TMEM132B: variants seen among roughly 807,000 people sequenced by gnomAD.
TMEM132B encodes transmembrane protein 132B.
A neutral mutation model predicts 90.8 loss-of-function variants in TMEM132B; 18 were observed. The observed-to-expected ratio is 0.20, with a 90% CI of 0.14 to 0.29. The LOEUF is 0.29. TMEM132B is among the 10% of genes least tolerant of loss of function. The pLI, the probability that TMEM132B is intolerant of heterozygous loss-of-function variation, is 1.00. For missense variants in TMEM132B, 1,096 were observed against 1,326.8 expected (o/e 0.83, Z 2.70); for synonymous variants, 504 against 523.3 (o/e 0.96, Z 0.50).
chr12:125,522,040 C>T (rs995196770), intron 4 of TMEM132B, among the ~76,000 whole-genome samples: 10 of 152,148 alleles, frequency 6.6e-5, no homozygotes, highest in East Asian at 1.9e-4. Flanking sequence ...ATATTCAGAA[C>T]GTGGCCATGC....
In TMEM132B at chr12:125,425,161, G is replaced by A. The variant is rs144834198; in HGVS notation, c.1106+9484G>A. ...AGAAGGTTGCAGTGCCCCGTTGCTG[G>A]CCTGTCCAGAGCAGGTAGTGCAAGT... is the stretch of plus-strand genomic sequence containing the variant. On this transcript the variant is annotated intron_variant, in intron 3 of 8. Coordinates refer to ENST00000682704, the MANE Select transcript of TMEM132B (RefSeq NM_001366854.1). 2.2e-3 allele frequency among the ~76,000 whole-genome samples: 342 copies of A among 152,250 alleles called. 2 individuals are homozygous for A. Among genetic ancestry groups the A allele is most frequent in the African/African-American group, 7.7e-3 (318 of 41,530 alleles).
At chr12:125,196,060 G>A (rs571165162) in intron 1 of TMEM132B, among the ~76,000 whole-genome samples, 174 of 152,344 alleles carry the variant, frequency 1.1e-3, no homozygotes, top group African/African-American at 3.8e-3. Context: ...ACTCACAGGA[G>A]CAGAAGCCCT....
At chr12:125,335,585 A>T (rs1232101302) in intron 1 of TMEM132B, among the ~76,000 whole-genome samples, 1 of 152,266 alleles carries the variant, frequency 6.6e-6, no homozygotes, top group Non-Finnish European at 1.5e-5. Flanking sequence ...TAGAAGGAGA[A>T]TGTGAAACTT....
Position 125,653,704 on chromosome 12 carries a change from A to G in TMEM132B, c.2246A>G (p.Lys749Arg), listed in dbSNP as rs772803781. 2 of 1,614,184 alleles carry G rather than the reference A, an allele frequency of 1.2e-6. No homozygotes were observed. The highest frequency in any genetic ancestry group is 2.2e-5 in the South Asian group (2 of 91,084). Residue 749 changes from lysine to arginine, a missense_variant, in exon 9 of 9, where the codon AAA (lysine) becomes AGA (arginine). Transcript: ENST00000682704. ...VVSVQANLES[K>R]WPIVVAEGEG... ...TCTGTCCAGGCAAACCTTGAGTCCAAATGGCCAATTGTGGTTGCAGAGGGT... is the reference window on the plus strand; with the variant it reads ...TCTGTCCAGGCAAACCTTGAGTCCAGATGGCCAATTGTGGTTGCAGAGGGT...
In TMEM132B at chr12:125,458,740, G is replaced by A. The variant is rs1881361559; in HGVS notation, c.1106+43063G>A. Among the ~76,000 whole-genome samples the A allele has an allele frequency of 2.0e-5, 3 of 152,212 alleles. No individual in the cohort carries two copies. The highest frequency in any genetic ancestry group is 7.2e-5 in the African/African-American group (3 of 41,462). On this transcript the variant is annotated intron_variant, in intron 3 of 8. Transcript: ENST00000682704. The surrounding 1 kb of genome is among the most constrained non-coding windows in gnomAD (Gnocchi z 4.9). Reference sequence around the variant, plus strand: ...CTGCACTGCTGTCACACTGGGTGGTGTTGTCAGGGTGACTCACGTGGACAC... The same window carrying A: ...CTGCACTGCTGTCACACTGGGTGGTATTGTCAGGGTGACTCACGTGGACAC...
chr12:125,337,680 T>G (rs186896698), intron 1 of TMEM132B, among the ~76,000 whole-genome samples: 2 of 152,300 alleles, frequency 1.3e-5, no homozygotes, highest in African/African-American at 4.8e-5. Context: ...GTTATCTAGA[T>G]TAAGGGTGTT....
At chr12:125,597,401 G>A (rs1885463929) in intron 5 of TMEM132B, among the ~76,000 whole-genome samples, 1 of 152,130 alleles carries the variant, frequency 6.6e-6, no homozygotes, top group African/African-American at 2.4e-5. Flanking sequence ...TCTTGGATAG[G>A]TGTGGAGGCA....
At chr12:125,489,833 T>A (rs1882302086) in intron 3 of TMEM132B, among the ~76,000 whole-genome samples, 1 of 152,204 alleles carries the variant, frequency 6.6e-6, no homozygotes, top group East Asian at 1.9e-4. Context: ...GGTAGCCAGT[T>A]TGAATGGTCC....
chr12:125,313,464 CTCT>C (rs569790478), intron 1 of TMEM132B, among the ~76,000 whole-genome samples: 89 of 151,036 alleles, frequency 5.9e-4, no homozygotes, highest in African/African-American at 2.0e-3. Context: ...CCTTCTTTCT[CTCT>C]TCCTTTTTTC....
At chr12:125,293,235 C>T (rs1875586970) in intron 1 of TMEM132B, among the ~76,000 whole-genome samples, 1 of 152,188 alleles carries the variant, frequency 6.6e-6, no homozygotes, top group African/African-American at 2.4e-5. Flanking sequence ...GACCTGCTGC[C>T]CTTGTATTAC....
intron 2 of TMEM132B, among the ~76,000 whole-genome samples, chr12:125,395,098 C>G (rs1879133747): frequency 6.6e-6 from 1 of 152,104 alleles, no homozygotes; most frequent in Non-Finnish European, 1.5e-5. Flanking sequence ...TGTATATGTG[C>G]ATGTGTGTGC....
rs2136588962 is a variant in TMEM132B, at chr12:125,498,404, C to G, written c.1107-21035C>G. Among the ~76,000 whole-genome samples, 1 of 152,298 alleles carries G rather than the reference C, an allele frequency of 6.6e-6. No homozygotes were observed. Among genetic ancestry groups the G allele is most frequent in the East Asian group, 1.9e-4 (1 of 5,186 alleles). On this transcript the variant is annotated intron_variant, in intron 3 of 8. Coordinates refer to ENST00000682704, the MANE Select transcript of TMEM132B (RefSeq NM_001366854.1). This position sits in a 1 kb window ranked among gnomAD's most constrained non-coding sequence, Gnocchi z 4.5. ...ATCACACACAGCATCCTTTGCTGCC[C>G]CCTTCACTTGCAGATCAGTCAGTTA...
In TMEM132B at chr12:125,490,629, A is replaced by AT. The variant is rs1219374545; in HGVS notation, c.1107-28804dup. 6.6e-6 allele frequency among the ~76,000 whole-genome samples: 1 copy of AT among 151,846 alleles called. No individual in the cohort carries two copies. The highest frequency in any genetic ancestry group is 6.6e-5 in the Admixed American group (1 of 15,244). ...AGACACCTGCCACCACGCCTGGCTA[A>AT]TTTTTTGTGTGTGTTTTTAGTAGAG... On this transcript the variant is annotated intron_variant, in intron 3 of 8. Coordinates refer to ENST00000682704, the MANE Select transcript of TMEM132B (RefSeq NM_001366854.1). The surrounding 1 kb of genome is among the most constrained non-coding windows in gnomAD (Gnocchi z 4.2).
rs1372534673 is a variant in TMEM132B at position 125,459,034 on chromosome 12, C to T, written c.1106+43357C>T. 1.3e-5 allele frequency among the ~76,000 whole-genome samples: 2 copies of T among 152,162 alleles called. No homozygotes were observed. The highest frequency in any genetic ancestry group is 2.4e-5 in the African/African-American group (1 of 41,428). Reference sequence around the variant, plus strand: ...ATGTGCAATTAGCATCTTCGGGTGACATCACCATTTGTCCACAGCAAAGCC... The same window carrying T: ...ATGTGCAATTAGCATCTTCGGGTGATATCACCATTTGTCCACAGCAAAGCC... On this transcript the variant is annotated intron_variant, in intron 3 of 8. Coordinates refer to ENST00000682704, the MANE Select transcript of TMEM132B (RefSeq NM_001366854.1). The surrounding 1 kb of genome is among the most constrained non-coding windows in gnomAD (Gnocchi z 4.1).
chr12:125,274,217 A>G (rs1253324617), intron 1 of TMEM132B, among the ~76,000 whole-genome samples: 1 of 152,170 alleles, frequency 6.6e-6, no homozygotes, highest in Admixed American at 6.5e-5. Flanking sequence ...AATGTGTCGC[A>G]GTGATTCACC....
chr12:125,338,573 G>A (rs1252462027), intron 1 of TMEM132B, among the ~76,000 whole-genome samples: 4 of 152,022 alleles, frequency 2.6e-5, no homozygotes, highest in Non-Finnish European at 5.9e-5. Context: ...CCTTTTTTGC[G>A]GCTCTAATTT....
At chr12:125,435,800 T>C (rs894447343) in intron 3 of TMEM132B, among the ~76,000 whole-genome samples, 1 of 152,020 alleles carries the variant, frequency 6.6e-6, no homozygotes, top group Non-Finnish European at 1.5e-5. Flanking sequence ...ACTGGAGGCC[T>C]GAGAGATGGG....
rs78799760 is a variant in TMEM132B at position 125,641,531 on chromosome 12, T to C, written c.1438-2545T>C. ...GGAGGCATACACTTTTTTAAGGGTA[T>C]GCATGTCCCAGGAGAAAAAACTCAA... is the stretch of plus-strand genomic sequence containing the variant. On this transcript the variant is annotated intron_variant, in intron 5 of 8. Coordinates refer to ENST00000682704, the MANE Select transcript of TMEM132B (RefSeq NM_001366854.1). Among the ~76,000 whole-genome samples, 1,325 of 152,326 alleles carry C rather than the reference T, an allele frequency of 8.7e-3. 17 individuals are homozygous for C. The highest frequency in any genetic ancestry group is 0.029 in the African/African-American group (1,204 of 41,578).
intron 1 of TMEM132B, among the ~76,000 whole-genome samples, chr12:125,291,248 C>T (rs1875530532): frequency 6.6e-6 from 1 of 152,240 alleles, no homozygotes; most frequent in South Asian, 2.1e-4. Context: ...CCCGGCCAAG[C>T]TGACACCTAA....
Sources: gnomAD v4.1 joint callset for allele counts (sites outside exome capture counted in the v4.1 genomes callset) on GRCh38, gnomAD v4.1.1 for gene constraint, Gnocchi (gnomAD v3.1) non-coding constraint, MANE v1.5 for transcripts, NCBI Gene and HGNC (gene_info 2026-07-23, HGNC 2026-07-21) for gene names.